ODAD2: variants seen among roughly 807,000 people sequenced by gnomAD.
The protein encoded by ODAD2 is outer dynein arm docking complex subunit 2, also known as outer dynein arm-docking complex subunit 2.
A neutral mutation model predicts 106.8 loss-of-function variants in ODAD2; 89 were observed. That is an observed-to-expected ratio of 0.83 (90% CI 0.70 to 0.99). The LOEUF (loss-of-function observed/expected upper bound fraction) is 0.99. Among genes scored for constraint, ODAD2 ranks in the 50% least tolerant of loss-of-function variants. ODAD2 has a pLI of 0.00. For synonymous variants in ODAD2, 404 were observed against 436.2 expected, an observed-to-expected ratio of 0.93 and a Z score of 0.92; for missense variants, 1,168 against 1,238.5, an observed-to-expected ratio of 0.94 and a Z score of 0.85.
chr10:27,929,325 C>T (rs1845458696), intron 16 of ODAD2, among the ~76,000 whole-genome samples: 1 of 152,086 alleles, frequency 6.6e-6, no homozygotes, highest in South Asian at 2.1e-4. Flanking sequence ...TGTACCATGT[C>T]TATTGACTTT....
chr10:27,882,233 G>GAAATAAAT lies in ODAD2; in HGVS notation c.2611-19612_2611-19611insATTTATTT, dbSNP rs1277386934. Among the ~76,000 whole-genome samples the GAAATAAAT allele has an allele frequency of 7.6e-5, 11 of 145,354 alleles. No homozygotes were observed. The South Asian group carries it at 1.1e-3, about 15-fold the overall frequency. The stretch of plus-strand genomic sequence containing the variant: ...AGAAAGAAAGAAAGAAAGAAAGAAA[G>GAAATAAAT]AAATATGAACTCTCTGATCTCATTC... On this transcript the variant is annotated intron_variant, in intron 17 of 19. Transcript: ENST00000305242.
At position 27,812,214 on chromosome 10, in the gene ODAD2, G is replaced by C. The variant is rs1309047385; in HGVS notation, c.*298C>G. On this transcript the variant is annotated 3_prime_UTR_variant, in exon 20 of 20. Transcript: ENST00000305242. ...TATTAAAATCGCCACAAATACAAAA[G>C]CATCACTGAACTAAAAATACATCAT... 2 of 315,400 alleles carry C rather than the reference G, an allele frequency of 6.3e-6. No homozygotes were observed. The highest frequency in any genetic ancestry group is 4.5e-5 in the African/African-American group (2 of 44,450). The allele number at this position is 315,400 out of a possible 1,614,324, so 19.5% of individuals were successfully genotyped here.
intron 16 of ODAD2, among the ~76,000 whole-genome samples, chr10:27,921,645 T>C (rs913938036): frequency 4.0e-5 from 6 of 151,696 alleles, no homozygotes; most frequent in Non-Finnish European, 5.9e-5. Context: ...TCCTTATTTG[T>C]ATAAATTATA....
intron 7 of ODAD2, among the ~76,000 whole-genome samples, chr10:27,975,649 C>A (rs1369800232): frequency 6.6e-6 from 1 of 152,132 alleles, no homozygotes; most frequent in African/African-American, 2.4e-5. Flanking sequence ...TAAAATTTTT[C>A]CCATAAAGAA....
intron 3 of ODAD2, among the ~76,000 whole-genome samples, chr10:27,986,537 G>A (rs1405831089): frequency 6.6e-6 from 1 of 151,986 alleles, no homozygotes; most frequent in Non-Finnish European, 1.5e-5. Context: ...TAATAGGCAA[G>A]GCATAAAAAG....
intron 9 of ODAD2, among the ~76,000 whole-genome samples, chr10:27,964,605 TC>T: frequency 6.6e-6 from 1 of 152,328 alleles, no homozygotes; most frequent in Non-Finnish European, 1.5e-5. Flanking sequence ...GAAGATTTGA[TC>T]TGTTTTCATT....
chr10:27,950,777 T>C (rs1044908570), intron 10 of ODAD2, among the ~76,000 whole-genome samples: 4 of 152,128 alleles, frequency 2.6e-5, no homozygotes, highest in African/African-American at 9.7e-5. Flanking sequence ...TAATTTGCCA[T>C]GGAACATTTA....
intron 16 of ODAD2, among the ~76,000 whole-genome samples, chr10:27,927,364 A>G (rs774399473): frequency 6.6e-6 from 1 of 152,156 alleles, no homozygotes; most frequent in African/African-American, 2.4e-5. Flanking sequence ...TTCCTAACCC[A>G]TGAATTATGG....
chr10:27,987,350 A>G, intron 3 of ODAD2, 36 bp downstream of exon 3: 1 of 1,589,086 alleles, frequency 6.3e-7, no homozygotes, highest in Admixed American at 1.8e-5. Context: ...GATTGTTTCT[A>G]AAAGTTCAAA....
rs1451039386 is a variant in ODAD2 at position 27,882,233 on chromosome 10, G to GAAAGAAAGAAAGAAAGAAAT, written c.2611-19612_2611-19611insATTTCTTTCTTTCTTTCTTT. ...AGAAAGAAAGAAAGAAAGAAAGAAA[G>GAAAGAAAGAAAGAAAGAAAT]AAATATGAACTCTCTGATCTCATTC... On this transcript the variant is annotated intron_variant, in intron 17 of 19. Coordinates refer to ENST00000305242, the MANE Select transcript of ODAD2 (RefSeq NM_018076.5). Among the ~76,000 whole-genome samples the GAAAGAAAGAAAGAAAGAAAT allele has an allele frequency of 6.2e-5, 9 of 145,366 alleles. No individual in the cohort carries two copies. In the South Asian group the frequency reaches 1.3e-3, roughly 21 times the overall value.
chr10:27,917,309 G>A (rs1844465088), intron 16 of ODAD2, among the ~76,000 whole-genome samples: 1 of 152,072 alleles, frequency 6.6e-6, no homozygotes, highest in South Asian at 2.1e-4. Flanking sequence ...ACAAAAAATA[G>A]AAACTATTTT....
At chr10:27,832,947 T>C (rs1419112754) in intron 19 of ODAD2, among the ~76,000 whole-genome samples, 2 of 152,140 alleles carry the variant, frequency 1.3e-5, no homozygotes, top group Non-Finnish European at 2.9e-5. Flanking sequence ...TTTAGTAAAG[T>C]CGAAGGATAT....
At chr10:27,965,628 G>A (rs1469283208) in intron 9 of ODAD2, among the ~76,000 whole-genome samples, 1 of 152,170 alleles carries the variant, frequency 6.6e-6, no homozygotes, top group Non-Finnish European at 1.5e-5. Flanking sequence ...CCCTGGAGTA[G>A]TGTATTCATT....
At chr10:27,836,572 G>A (rs900915492) in intron 19 of ODAD2, among the ~76,000 whole-genome samples, 2 of 152,026 alleles carry the variant, frequency 1.3e-5, no homozygotes, top group African/African-American at 2.4e-5. Flanking sequence ...CCTATAAAAA[G>A]TACATTAGAA....
At chr10:27,981,056 G>A (rs919910402) in intron 7 of ODAD2, among the ~76,000 whole-genome samples, 1 of 152,100 alleles carries the variant, frequency 6.6e-6, no homozygotes, top group Admixed American at 6.5e-5. Flanking sequence ...TATGCTAAGT[G>A]AAAGAACCCA....
At chr10:27,942,768 C>T (rs929085889) in intron 12 of ODAD2, among the ~76,000 whole-genome samples, 1 of 152,140 alleles carries the variant, frequency 6.6e-6, no homozygotes, top group Non-Finnish European at 1.5e-5. Context: ...TCCCTACATC[C>T]ACCACCTGGA....
intron 17 of ODAD2, among the ~76,000 whole-genome samples, chr10:27,865,232 TAAG>T (rs1373468323): frequency 6.6e-6 from 1 of 152,168 alleles, no homozygotes; most frequent in Non-Finnish European, 1.5e-5. Context: ...GAGCTAATAA[TAAG>T]AACCCTGGCA....
chr10:27,885,485 G>A, intron 17 of ODAD2, among the ~76,000 whole-genome samples: 2 of 108,588 alleles, frequency 1.8e-5, no homozygotes, highest in Non-Finnish European at 3.4e-5. Flanking sequence ...ACTTCAGGCT[G>A]GGTGACAGAG....
At chr10:27,889,442 C>T (rs753777381) in intron 17 of ODAD2, among the ~76,000 whole-genome samples, 5 of 152,128 alleles carry the variant, frequency 3.3e-5, no homozygotes, top group Non-Finnish European at 5.9e-5. Flanking sequence ...ATATAATCAT[C>T]GTAAGTGATT....
Sources: gnomAD v4.1 joint callset for allele counts (sites outside exome capture counted in the v4.1 genomes callset) on GRCh38, gnomAD v4.1.1 for gene constraint, MANE v1.5 for transcripts, NCBI Gene and HGNC (gene_info 2026-07-23, HGNC 2026-07-21) for gene names.